The following GRM7 variants were observed in gnomAD, a reference collection of about 807,000 sequenced individuals.
GRM7 encodes metabotropic glutamate receptor 7.
In GRM7, 35 loss-of-function variants were observed where a neutral mutation model predicts 84.5. That is an observed-to-expected ratio of 0.41 (90% CI 0.32 to 0.55). GRM7 has a LOEUF of 0.55. Ranked by LOEUF, GRM7 falls within the 20% of genes least tolerant of loss-of-function variation. GRM7 has a pLI of 0.19. For synonymous variants in GRM7, 487 were observed against 455.1 expected (o/e 1.07, Z -0.89); for missense variants, 1,003 against 1,194.6 (o/e 0.84, Z 2.36).
At chr3:7,603,105 G>C (rs961152933) in intron 8 of GRM7, among the ~76,000 whole-genome samples, 1 of 152,014 alleles carries the variant, frequency 6.6e-6, no homozygotes, top group African/African-American at 2.4e-5. Context: ...CAGTTAGTTA[G>C]AGCCACCACC....
chr3:7,736,180 A>G (rs1161138098), intron 9 of GRM7, among the ~76,000 whole-genome samples: 1 of 152,150 alleles, frequency 6.6e-6, no homozygotes, highest in Non-Finnish European at 1.5e-5. Context: ...CAAATTGTCT[A>G]TTCATCTTGA....
intron 1 of GRM7, among the ~76,000 whole-genome samples, chr3:7,141,372 G>A (rs920417902): frequency 1.3e-5 from 2 of 151,986 alleles, no homozygotes; most frequent in Non-Finnish European, 2.9e-5. Context: ...TAGAAACAAA[G>A]TTAAGGAATG....
At chr3:7,316,227 G>C (rs1473824140) in intron 4 of GRM7, among the ~76,000 whole-genome samples, 2 of 152,096 alleles carry the variant, frequency 1.3e-5, no homozygotes, top group Admixed American at 1.3e-4. Context: ...CAGATCTCAT[G>C]GGACCATGCA....
At chr3:6,895,643 C>T (rs970393246) in intron 1 of GRM7, among the ~76,000 whole-genome samples, 9 of 152,098 alleles carry the variant, frequency 5.9e-5, no homozygotes, top group African/African-American at 2.2e-4. Flanking sequence ...GAATCTATCT[C>T]AGAGCATTTG....
chr3:7,054,246 T>C (rs1697125734), intron 1 of GRM7, among the ~76,000 whole-genome samples: 1 of 150,088 alleles, frequency 6.7e-6, no homozygotes, highest in South Asian at 2.1e-4. Flanking sequence ...TTTAATCTTA[T>C]CTTTTATGAT....
intron 9 of GRM7, among the ~76,000 whole-genome samples, chr3:7,688,828 G>T (rs1460045138): frequency 1.3e-5 from 2 of 152,102 alleles, no homozygotes; most frequent in Non-Finnish European, 2.9e-5. Flanking sequence ...TTGCTTACAG[G>T]GATTTGAAGG....
At chr3:6,954,091 A>G (rs1345986311) in intron 1 of GRM7, among the ~76,000 whole-genome samples, 5 of 152,228 alleles carry the variant, frequency 3.3e-5, no homozygotes, top group Non-Finnish European at 7.3e-5. Context: ...TAAAACAAAT[A>G]TGCATAGAAT....
At chr3:7,403,503 C>A (rs60925470) in intron 4 of GRM7, among the ~76,000 whole-genome samples, 1,530 of 150,616 alleles carry the variant, frequency 0.01, 15 homozygotes, top group South Asian at 0.024. Flanking sequence ...GGAAAGCTTT[C>A]ATACAATAAA....
At chr3:7,329,962 G>T (rs1003686060) in intron 4 of GRM7, among the ~76,000 whole-genome samples, 2 of 152,132 alleles carry the variant, frequency 1.3e-5, no homozygotes, top group East Asian at 3.9e-4. Context: ...TTACATGAAT[G>T]ACTAGTGTTT....
intron 7 of GRM7, among the ~76,000 whole-genome samples, chr3:7,542,536 G>A (rs1377941066): frequency 6.7e-6 from 1 of 148,388 alleles, no homozygotes; most frequent in African/African-American, 2.5e-5. Context: ...AATTCCCTGA[G>A]TTTCATGCAT....
At chr3:7,088,689 A>ATTTTTTTTTTTTTTT in intron 1 of GRM7, among the ~76,000 whole-genome samples, 2 of 140,798 alleles carry the variant, frequency 1.4e-5, no homozygotes, top group African/African-American at 2.9e-5. Flanking sequence ...AGGTTCACTG[A>ATTTTTTTTTTTTTTT]TTTCTTATTC....
At chr3:6,974,559 G>T (rs920204473) in intron 1 of GRM7, among the ~76,000 whole-genome samples, 2 of 152,184 alleles carry the variant, frequency 1.3e-5, no homozygotes, top group Non-Finnish European at 2.9e-5. Context: ...GGCTGCTGAA[G>T]AGGAGCCTCT....
chr3:7,611,953 G>A (rs1559438668), intron 8 of GRM7, among the ~76,000 whole-genome samples: 1 of 152,178 alleles, frequency 6.6e-6, no homozygotes, highest in African/African-American at 2.4e-5. Context: ...AATATAATAG[G>A]AAAAGCTATG....
At chr3:6,900,849 A>G (rs1490771862) in intron 1 of GRM7, among the ~76,000 whole-genome samples, 1 of 152,236 alleles carries the variant, frequency 6.6e-6, no homozygotes, top group African/African-American at 2.4e-5. Flanking sequence ...TTAACACACC[A>G]CGACCTAGCC....
intron 1 of GRM7, among the ~76,000 whole-genome samples, chr3:6,986,292 A>G (rs1694408233): frequency 6.6e-6 from 1 of 152,228 alleles, no homozygotes; most frequent in African/African-American, 2.4e-5. Context: ...CACCTTTATT[A>G]TGGTGATGGT....
At chr3:7,351,929 C>T (rs1693165896) in intron 4 of GRM7, among the ~76,000 whole-genome samples, 1 of 151,856 alleles carries the variant, frequency 6.6e-6, no homozygotes, top group African/African-American at 2.4e-5. Flanking sequence ...ACTGGCTTCT[C>T]ATTCTGTAGC....
intron 1 of GRM7, among the ~76,000 whole-genome samples, chr3:7,135,102 C>T (rs1693729425): frequency 6.6e-6 from 1 of 152,120 alleles, no homozygotes; most frequent in Non-Finnish European, 1.5e-5. Flanking sequence ...TTGTGTATAA[C>T]TCCAGATTTT....
chr3:7,600,358 G>C (rs1696255407), intron 8 of GRM7, among the ~76,000 whole-genome samples: 1 of 152,034 alleles, frequency 6.6e-6, no homozygotes, highest in South Asian at 2.1e-4. Context: ...AGATCCCAGG[G>C]GTTGAGGTGG....
intron 1 of GRM7, among the ~76,000 whole-genome samples, chr3:7,046,330 A>C (rs2124948157): frequency 6.6e-6 from 1 of 152,262 alleles, no homozygotes; most frequent in Admixed American, 6.5e-5. Flanking sequence ...GCAAGGTTAA[A>C]GAGTCTGCTG....
Sources: allele counts gnomAD v4.1 joint callset (sites outside exome capture counted in the v4.1 genomes callset), GRCh38; gene constraint gnomAD v4.1.1; transcripts MANE v1.5; gene names NCBI Gene and HGNC (gene_info 2026-07-23, HGNC 2026-07-21).